SYNPR: variants seen among roughly 807,000 people sequenced by gnomAD.
The protein encoded by SYNPR is synaptoporin.
A neutral mutation model predicts 32.9 loss-of-function variants in SYNPR; 23 were observed. The observed-to-expected ratio is 0.70, with a 90% confidence interval of 0.50 to 0.99. The LOEUF is 0.99. Among genes scored for constraint, SYNPR ranks in the 50% least tolerant of loss-of-function variants. The pLI, the probability that SYNPR is intolerant of heterozygous loss-of-function variation, is 0.00. For missense variants in SYNPR, 318 were observed against 349.3 expected, an observed-to-expected ratio of 0.91 and a Z score of 0.71; for synonymous variants, 146 against 135.9, an observed-to-expected ratio of 1.07 and a Z score of -0.52.
At chr3:63,278,655 C>T (rs746434163) in intron 1 of SYNPR, 22 bp from the exon 2 acceptor site, 1 of 1,551,642 alleles carries the variant, frequency 6.4e-7, no homozygotes, top group Non-Finnish European at 8.7e-7. Flanking sequence ...TGCTTTCTCT[C>T]TCTCGCCTCA....
intron 2 of SYNPR, among the ~76,000 whole-genome samples, chr3:63,285,652 T>G (rs756882213): frequency 6.6e-6 from 1 of 152,138 alleles, no homozygotes; most frequent in Non-Finnish European, 1.5e-5. Flanking sequence ...CTTTCCTGAG[T>G]GTATTAAGAC....
intron 4 of SYNPR, among the ~76,000 whole-genome samples, chr3:63,583,202 G>A (rs557142160): frequency 1.3e-5 from 2 of 152,172 alleles, no homozygotes; most frequent in South Asian, 4.1e-4. Flanking sequence ...GCAGGAACAA[G>A]TCATAATGGT....
intron 3 of SYNPR, among the ~76,000 whole-genome samples, chr3:63,482,192 G>T (rs181892526): frequency 6.6e-6 from 1 of 152,228 alleles, no homozygotes; most frequent in Admixed American, 6.5e-5. Flanking sequence ...ACAGTTTCCT[G>T]CACTGGGCTT....
At chr3:63,254,782 T>C (rs1269851099) in intron 2 of SYNPR, among the ~76,000 whole-genome samples, 1 of 152,162 alleles carries the variant, frequency 6.6e-6, no homozygotes, top group East Asian at 1.9e-4. Context: ...ACAGAGTCTT[T>C]AAAGAGGTAA....
intron 3 of SYNPR, among the ~76,000 whole-genome samples, chr3:63,496,382 T>C (rs1393612771): frequency 6.6e-6 from 1 of 152,112 alleles, no homozygotes; most frequent in African/African-American, 2.4e-5. Flanking sequence ...CTCATAGCTA[T>C]ACTATAATTT....
At chr3:63,392,103 A>G (rs1422834346) in intron 2 of SYNPR, among the ~76,000 whole-genome samples, 1 of 152,228 alleles carries the variant, frequency 6.6e-6, no homozygotes, top group African/African-American at 2.4e-5. Flanking sequence ...TCAATAATTA[A>G]TATTTGTGTA....
chr3:63,263,815 C>G (rs2086459296), intron 2 of SYNPR, among the ~76,000 whole-genome samples: 1 of 152,118 alleles, frequency 6.6e-6, no homozygotes, highest in Non-Finnish European at 1.5e-5. Flanking sequence ...TTCTTAAGAG[C>G]CTAGAAACTG....
intron 2 of SYNPR, chr3:63,426,812 A>AG (rs1321669719): frequency 6.9e-6 from 1 of 145,290 alleles, no homozygotes; most frequent in Non-Finnish European, 1.5e-5. Context: ...AGAGACTAAA[A>AG]GAAAAAAAAA....
intron 2 of SYNPR, among the ~76,000 whole-genome samples, chr3:63,284,305 C>T (rs1205964064): frequency 2.0e-5 from 3 of 152,172 alleles, no homozygotes; most frequent in African/African-American, 7.2e-5. Context: ...TACACTGGTG[C>T]AGACTTAAGG....
chr3:63,205,181 C>A, the SYNPR span, among the ~76,000 whole-genome samples: 1 of 152,162 alleles, frequency 6.6e-6, no homozygotes. Context: ...ATCTTTCTCA[C>A]CTTCCTTTTT....
At chr3:63,368,367 A>G (rs767711718) in intron 2 of SYNPR, among the ~76,000 whole-genome samples, 1 of 152,274 alleles carries the variant, frequency 6.6e-6, no homozygotes, top group East Asian at 1.9e-4. Flanking sequence ...AAAGGGCGCT[A>G]GTTTGAATGA....
chr3:63,544,874 T>TCACA (rs10640275), intron 3 of SYNPR, among the ~76,000 whole-genome samples: 53 of 150,676 alleles, frequency 3.5e-4, no homozygotes, highest in African/African-American at 7.6e-4. Context: ...CATTCAAACT[T>TCACA]CACACACACA....
At chr3:63,505,958 C>G (rs901428248) in intron 3 of SYNPR, among the ~76,000 whole-genome samples, 1 of 151,876 alleles carries the variant, frequency 6.6e-6, no homozygotes, top group Admixed American at 6.6e-5. Context: ...GGGCTGAAAC[C>G]TCTACCCGCC....
intron 3 of SYNPR, among the ~76,000 whole-genome samples, chr3:63,538,071 T>G (rs1043825895): frequency 2.0e-5 from 3 of 152,074 alleles, no homozygotes; most frequent in African/African-American, 7.2e-5. Context: ...CCCTACCACT[T>G]AAGCACACTG....
rs201318373 is a variant in SYNPR, at chr3:63,258,231, T to C, written n.154+5645T>C. On this transcript the variant is annotated intron_variant and non_coding_transcript_variant, in intron 2 of 4. Coordinates refer to the SYNPR transcript ENST00000478456. The stretch of plus-strand genomic sequence containing the variant: ...CTGCACCAAGCGGACCTAATAGACA[T>C]CTACAGAACTCTCCACCCCAATTCA... 1.6e-4 allele frequency among the ~76,000 whole-genome samples: 25 copies of C among 152,330 alleles called. No homozygotes were observed. The East Asian group carries it at 4.8e-3, about 29-fold the overall frequency.
At chr3:63,244,229 A>G (rs1255626567) in intron 1 of SYNPR, among the ~76,000 whole-genome samples, 1 of 152,082 alleles carries the variant, frequency 6.6e-6, no homozygotes, top group Non-Finnish European at 1.5e-5. Context: ...AGCCACACAG[A>G]TAATGTATCT....
chr3:63,444,406 A>G, intron 2 of SYNPR: 1 of 152,188 alleles, frequency 6.6e-6, no homozygotes, highest in East Asian at 1.9e-4. Flanking sequence ...TAATTGCTTT[A>G]ATGGAAACAA....
chr3:63,541,502 G>A (rs540521962), intron 3 of SYNPR, among the ~76,000 whole-genome samples: 1 of 152,206 alleles, frequency 6.6e-6, no homozygotes, highest in South Asian at 2.1e-4. Flanking sequence ...CAGACCCACT[G>A]AATAGTAGGG....
chr3:63,211,443 T>C, the SYNPR span, among the ~76,000 whole-genome samples: 2 of 152,196 alleles, frequency 1.3e-5, no homozygotes, highest in Non-Finnish European at 2.9e-5. Flanking sequence ...GATTCAAGTT[T>C]ACAGTTTTTT....
Sources: gnomAD v4.1 joint callset for allele counts (sites outside exome capture counted in the v4.1 genomes callset) on GRCh38, gnomAD v4.1.1 for gene constraint, MANE v1.5 for transcripts, NCBI Gene and HGNC (gene_info 2026-07-23, HGNC 2026-07-21) for gene names.